The following SFXN2 variants were observed in gnomAD, a reference collection of about 807,000 sequenced individuals.
SFXN2 encodes the protein sideroflexin-2.
Under a neutral mutation model 41.9 loss-of-function variants are expected in SFXN2, and 37 were observed. The observed-to-expected ratio is 0.88, with a 90% confidence interval of 0.68 to 1.16. The LOEUF (loss-of-function observed/expected upper bound fraction) is 1.16. SFXN2 is among the 50% of genes most tolerant of loss of function. The pLI is 0.00. For synonymous variants in SFXN2, 150 were observed against 156.7 expected, an observed-to-expected ratio of 0.96 and a Z score of 0.32; for missense variants, 386 against 425.2, an observed-to-expected ratio of 0.91 and a Z score of 0.81.
chr10:102,717,948 G>A (rs10786705), intron 1 of SFXN2, among the ~76,000 whole-genome samples: 39,744 of 152,170 alleles, frequency 0.26, 5,392 homozygotes, highest in Middle Eastern at 0.36. Context: ...ATGCTGCAAA[G>A]GACAGGATGC....
chr10:102,731,264 CAAAAAA>C (rs368931070), intron 6 of SFXN2, among the ~76,000 whole-genome samples: 34,089 of 84,936 alleles, frequency 0.4, 4,405 homozygotes, highest in Admixed American at 0.42. Flanking sequence ...GCGATTGTCT[CAAAAAA>C]AAAAAAAAAA....
intron 9 of SFXN2, among the ~76,000 whole-genome samples, chr10:102,733,267 C>A (rs1378356066): frequency 1.3e-5 from 2 of 152,228 alleles, no homozygotes; most frequent in African/African-American, 4.8e-5. Context: ...CCTGCCTCAG[C>A]CTCCCGAGCA....
intron 4 of SFXN2, 36 bp downstream of exon 4, chr10:102,728,565 C>T (rs2064647877): frequency 1.3e-6 from 2 of 1,576,544 alleles, no homozygotes; most frequent in Non-Finnish European, 1.7e-6. Flanking sequence ...CCTCGTGTCT[C>T]CCCACGAACA....
Position 102,731,738 on chromosome 10 carries a change from A to C in SFXN2, c.609A>C (p.Gly203=), listed in dbSNP as rs772705859. 1.2e-6 allele frequency: 2 copies of C among 1,613,846 alleles called. No individual in the cohort carries two copies. The highest frequency in any genetic ancestry group is 1.7e-5 in the Admixed American group (1 of 59,982). The part of the protein sequence containing the change: ...PMMRQQELIK[G]ICVKDRNENE... ...CTGTGTTTAGGGAGCTCATAAAGGG[A>C]ATCTGCGTGAAGGACAGGAATGAAA... The change falls in exon 7 of 12, where the codon GGA becomes GGC. Residue 203 remains glycine, a synonymous_variant. Transcript: ENST00000369893.
At chr10:102,725,009 T>G (rs2064570385) in intron 1 of SFXN2, 1 of 152,116 alleles carries the variant, frequency 6.6e-6, no homozygotes, top group Non-Finnish European at 1.5e-5. Context: ...GAGGTTTTGT[T>G]TATCTAGGCT....
At chr10:102,736,050 G>A in intron 11 of SFXN2, 141 bp downstream of exon 11, 1 of 840,234 alleles carries the variant, frequency 1.2e-6, no homozygotes, top group African/African-American at 1.7e-5. Context: ...CAGCCTAAAG[G>A]CTGGGCCTCT....
chr10:102,735,369 C>T (rs923373356), intron 10 of SFXN2, among the ~76,000 whole-genome samples: 1 of 150,306 alleles, frequency 6.7e-6, no homozygotes, highest in South Asian at 2.1e-4. Flanking sequence ...CTCTCCAAGT[C>T]GCTCCCCACC....
chr10:102,722,019 G>C (rs1007943109), intron 1 of SFXN2, among the ~76,000 whole-genome samples: 1 of 152,082 alleles, frequency 6.6e-6, no homozygotes, highest in Non-Finnish European at 1.5e-5. Flanking sequence ...GGATTACTGG[G>C]GTTCTCGTCC....
intron 4 of SFXN2, 96 bp downstream of exon 4, chr10:102,728,625 A>T: frequency 2.0e-6 from 2 of 1,014,820 alleles, no homozygotes; most frequent in Non-Finnish European, 3.1e-6. Context: ...TAGCACCTGC[A>T]CTGAGCAGGT....
chr10:102,718,006 C>T (rs534460435), intron 1 of SFXN2, among the ~76,000 whole-genome samples: 7 of 152,118 alleles, frequency 4.6e-5, no homozygotes, highest in Admixed American at 2.6e-4. Flanking sequence ...CTGAAGGAGT[C>T]GGGGAAGAGT....
In SFXN2 at chr10:102,717,114, T is replaced by TTC. The variant is rs1279225945; in HGVS notation, c.-26+2443_-26+2444dup. ...GATCACATGTCTTCAGGCTATGACATTCTCTCTCTCTTTTTTTTTTTTTTT... is the reference window on the plus strand; with the variant it reads ...GATCACATGTCTTCAGGCTATGACATTCTCTCTCTCTCTTTTTTTTTTTTTTT... On this transcript the variant is annotated intron_variant, in intron 1 of 11. Coordinates refer to ENST00000369893, the MANE Select transcript of SFXN2 (RefSeq NM_178858.6). Among the ~76,000 whole-genome samples, 26 of 146,934 alleles carry TTC rather than the reference T, an allele frequency of 1.8e-4. 1 individual carries two copies. The highest frequency in any genetic ancestry group is 5.5e-4 in the African/African-American group (22 of 40,114).
In SFXN2 at chr10:102,734,229, TC is replaced by T. The variant is rs571732839; in HGVS notation, c.821+627del. On this transcript the variant is annotated intron_variant, in intron 10 of 11. Coordinates refer to ENST00000369893, the MANE Select transcript of SFXN2 (RefSeq NM_178858.6). The surrounding 1 kb of genome is among the most constrained non-coding windows in gnomAD (Gnocchi z 4.1). ...GGAGACATAGCTTTGGCTGGGACTG[TC>T]ATGTGTCCCAGACTCACACAGGAGG... Among the ~76,000 whole-genome samples, 205 of 152,258 alleles carry T rather than the reference TC, an allele frequency of 1.3e-3. No homozygotes were observed. The highest frequency in any genetic ancestry group is 4.7e-3 in the African/African-American group (197 of 41,548).
At position 102,727,042 on chromosome 10, in the gene SFXN2, C is replaced by T. The variant is rs781083288; in HGVS notation, c.217C>T (p.Leu73=). 1 of 1,609,290 alleles carries T rather than the reference C, an allele frequency of 6.2e-7. No individual in the cohort carries two copies. Among genetic ancestry groups the T allele is most frequent in the East Asian group, 2.2e-5 (1 of 44,704 alleles). ...QVEQLLYAKK[L]YDSAFHPDTG... The stretch of plus-strand genomic sequence containing the variant: ...GGAGCAGCTGCTGTATGCCAAGAAG[C>T]TGTATGACTCGGCCTTCCACCCCGA... Residue 73 remains leucine (L), a synonymous_variant, in exon 3 of 12, where the codon CTG becomes TTG. Transcript: ENST00000369893.
At chr10:102,728,352 A>T in intron 3 of SFXN2, 79 bp from the exon 4 acceptor site, 1 of 1,088,084 alleles carries the variant, frequency 9.2e-7, no homozygotes, top group South Asian at 1.2e-5. Flanking sequence ...CCTGCAGATC[A>T]TGTGCTTTGA....
rs769116693 is a variant in SFXN2 at position 102,731,731 on chromosome 10, T to C, written c.602T>C (p.Ile201Thr). ...CTCCTGTCTGTGTTTAGGGAGCTCATAAAGGGAATCTGCGTGAAGGACAGG... is the reference window on the plus strand; with the variant it reads ...CTCCTGTCTGTGTTTAGGGAGCTCACAAAGGGAATCTGCGTGAAGGACAGG... ...NIPMMRQQELIKGICVKDRNE... is the reference protein window; with the variant it reads ...NIPMMRQQELTKGICVKDRNE... The change falls in exon 7 of 12, where the codon ATA becomes ACA. Residue 201 changes from isoleucine (I) to threonine (T), a missense_variant. Ile to Thr is a moderately conservative substitution (Grantham distance 89, BLOSUM62 -1). Coordinates refer to ENST00000369893, the MANE Select transcript of SFXN2 (RefSeq NM_178858.6). 5 of 1,613,922 alleles carry C rather than the reference T, an allele frequency of 3.1e-6. No homozygotes were observed. Among genetic ancestry groups the C allele is most frequent in the Non-Finnish European group, 4.2e-6 (5 of 1,179,826 alleles).
rs554318801 is a variant in SFXN2 at position 102,734,925 on chromosome 10, C to T, written c.822-937C>T. Among the ~76,000 whole-genome samples the T allele has an allele frequency of 1.3e-5, 2 of 152,266 alleles. No individual in the cohort carries two copies. The highest frequency in any genetic ancestry group is 2.4e-5 in the African/African-American group (1 of 41,550). The stretch of plus-strand genomic sequence containing the variant: ...CTTCCCCAGACCCCCTCAGTTGGCA[C>T]CTGGCATTTTAATAAGCTCCTGAAG... On this transcript the variant is annotated intron_variant, in intron 10 of 11. Coordinates refer to ENST00000369893, the MANE Select transcript of SFXN2 (RefSeq NM_178858.6). This position sits in a 1 kb window ranked among gnomAD's most constrained non-coding sequence, Gnocchi z 4.1.
chr10:102,718,813 G>C (rs2064456853), intron 1 of SFXN2, among the ~76,000 whole-genome samples: 1 of 151,814 alleles, frequency 6.6e-6, no homozygotes, highest in South Asian at 2.1e-4. Context: ...TTGAACTCCT[G>C]GCCTCCCAAA....
intron 1 of SFXN2, among the ~76,000 whole-genome samples, chr10:102,724,579 G>A (rs545852760): frequency 6.6e-6 from 1 of 152,200 alleles, no homozygotes; most frequent in Admixed American, 6.5e-5. Context: ...GTGCACGCCT[G>A]TAGTCTCAGC....
At chr10:102,732,691 G>A (rs1360601873) in intron 8 of SFXN2, among the ~76,000 whole-genome samples, 168 bp from the exon 9 acceptor site, 1 of 152,204 alleles carries the variant, frequency 6.6e-6, no homozygotes, top group African/African-American at 2.4e-5. Context: ...TGGGGAGAAA[G>A]TTTGGGGGTG....
Sources: allele counts gnomAD v4.1 joint callset (sites outside exome capture counted in the v4.1 genomes callset), GRCh38; gene constraint gnomAD v4.1.1; non-coding constraint Gnocchi (gnomAD v3.1); transcripts MANE v1.5; gene names NCBI Gene and HGNC (gene_info 2026-07-23, HGNC 2026-07-21).